The following PELP1 variants were observed in gnomAD, a reference collection of about 807,000 sequenced individuals.
The protein encoded by PELP1 is proline-, glutamic acid- and leucine-rich protein 1.
A neutral mutation model predicts 95.5 loss-of-function variants in PELP1; 32 were observed. The observed-to-expected ratio is 0.34, with a 90% confidence interval of 0.25 to 0.45. The LOEUF (loss-of-function observed/expected upper bound fraction) is 0.45. PELP1 is among the 20% of genes least tolerant of loss of function. PELP1 has a pLI of 1.00. For missense variants in PELP1, 1,358 were observed against 1,444.8 expected (o/e 0.94, Z 0.97); for synonymous variants, 668 against 600.1 (o/e 1.11, Z -1.65).
intron 1 of PELP1, 135 bp downstream of exon 1, chr17:4,703,728 A>G (rs982626781): frequency 1.4e-6 from 1 of 719,576 alleles, no homozygotes; most frequent in Non-Finnish European, 2.3e-6. Flanking sequence ...CCGGACTGAT[A>G]CCTGGATCCC....
chr17:4,692,839 G>A (rs376950007), intron 1 of PELP1, among the ~76,000 whole-genome samples: 2 of 152,016 alleles, frequency 1.3e-5, no homozygotes, highest in African/African-American at 2.4e-5. Context: ...GTGAAACCCC[G>A]TCTCTACTAA....
At chr17:4,676,333 C>T (rs1567661958) in intron 7 of PELP1, 24 bp downstream of exon 7, 1 of 1,609,724 alleles carries the variant, frequency 6.2e-7, no homozygotes, top group Admixed American at 1.7e-5. Flanking sequence ...TATTGTTCCA[C>T]TAACTAGCAG....
At chr17:4,679,044 T>C (rs1453932762) in intron 5 of PELP1, among the ~76,000 whole-genome samples, 1 of 151,820 alleles carries the variant, frequency 6.6e-6, no homozygotes, top group Non-Finnish European at 1.5e-5. Flanking sequence ...TTTTTTTTTT[T>C]GAGACAGGGT....
rs1442593731 is a variant in PELP1, at chr17:4,671,673, C to G, written c.3300+18G>C. The G allele has an allele frequency of 6.3e-7, 1 of 1,587,062 alleles. No individual in the cohort carries two copies. Among genetic ancestry groups the G allele is most frequent in the African/African-American group, 1.4e-5 (1 of 73,046 alleles). On this transcript the variant is annotated intron_variant, in intron 16 of 16. Transcript: ENST00000572293. ...CCCACCTTCTCGCCCAAGGAACCTTCCCTGCCTGGCCTCTCACCTTTTCCT... is the reference window on the plus strand; with the variant it reads ...CCCACCTTCTCGCCCAAGGAACCTTGCCTGCCTGGCCTCTCACCTTTTCCT...
chr17:4,674,753 C>T, intron 12 of PELP1, 56 bp downstream of exon 12: 1 of 1,586,388 alleles, frequency 6.3e-7, no homozygotes, highest in African/African-American at 1.4e-5. Flanking sequence ...CCTGAGCAGG[C>T]ACACTTGGTC....
rs774898065 is a variant in PELP1, at chr17:4,672,059, G to T, written c.2932C>A (p.Pro978Thr). The T allele has an allele frequency of 4.5e-6, 7 of 1,563,170 alleles. No individual in the cohort carries two copies. In the African/African-American group the frequency reaches 5.4e-5, roughly 12 times the overall value. ...AGGEVEEGAP[P>T]PPTLPPALPP... ...AGAGCTGGAGGCAGGGTTGGGGGTGGAGGTGCACCTTCTTCTACCTCCCCT... is the reference window on the plus strand; with the variant it reads ...AGAGCTGGAGGCAGGGTTGGGGGTGTAGGTGCACCTTCTTCTACCTCCCCT... The change falls in exon 16 of 17, where the codon CCA (proline) becomes ACA (threonine). Residue 978 changes from proline to threonine, a missense_variant. Pro to Thr is a conservative substitution (Grantham distance 38). Around this residue, in one of 7 missense-constraint regions of PELP1, gnomAD observed 283 missense variants for 284.1 expected, o/e 1.00. Transcript: ENST00000572293.
In PELP1 at chr17:4,690,234, A is replaced by G. The variant is rs544298938; in HGVS notation, c.420+654T>C. Among the ~76,000 whole-genome samples the G allele has an allele frequency of 4.6e-5, 7 of 152,240 alleles. No homozygotes were observed. The South Asian group carries it at 1.5e-3, about 32-fold the overall frequency. On this transcript the variant is annotated intron_variant, in intron 3 of 16. Coordinates refer to ENST00000572293, the MANE Select transcript of PELP1 (RefSeq NM_014389.3). ...CTGGGAGTTAAGCTATGAGGACGCA[A>G]AGGCATAAAAATGATATAATGAACT...
chr17:4,690,910 C>G lies in PELP1; in HGVS notation c.398G>C (p.Arg133Pro). ...LFQQHCVSWL[R>P]SIQQVLQTQD... ...CACCTGTAACACCTGCTGAATGCTC[C>G]GAAGCCAAGACACACAGTGCTGCTG... The change falls in exon 3 of 17, where the codon CGG becomes CCG. Residue 133 changes from arginine (R) to proline (P), a missense_variant. Arg to Pro is a moderately radical substitution (Grantham distance 103). Transcript: ENST00000572293. 6.2e-7 allele frequency: 1 copy of G among 1,613,438 alleles called. No individual in the cohort carries two copies. The highest frequency in any genetic ancestry group is 8.5e-7 in the Non-Finnish European group (1 of 1,179,458).
At chr17:4,687,498 C>CAA (rs61629319) in intron 3 of PELP1, among the ~76,000 whole-genome samples, 3 of 107,340 alleles carry the variant, frequency 2.8e-5, no homozygotes, top group African/African-American at 1.0e-4. Context: ...GACTCCATCT[C>CAA]AAAAAAAAAA....
At chr17:4,681,658 G>T (rs1299686983) in intron 5 of PELP1, among the ~76,000 whole-genome samples, 1 of 151,822 alleles carries the variant, frequency 6.6e-6, no homozygotes, top group African/African-American at 2.4e-5. Context: ...AAATTAGCTG[G>T]GCGTAGTGGT....
chr17:4,702,826 G>C (rs1913596631), intron 1 of PELP1, among the ~76,000 whole-genome samples: 1 of 152,162 alleles, frequency 6.6e-6, no homozygotes, highest in Non-Finnish European at 1.5e-5. Context: ...GAGAAGGGAA[G>C]ATAGGAGATT....
chr17:4,676,670 G>A, intron 6 of PELP1, 83 bp downstream of exon 6: 1 of 1,402,200 alleles, frequency 7.1e-7, no homozygotes, highest in African/African-American at 1.4e-5. Flanking sequence ...TATGAAGGCA[G>A]GACAGAAAAG....
intron 5 of PELP1, 94 bp downstream of exon 5, chr17:4,682,408 C>T: frequency 1.2e-6 from 1 of 825,666 alleles, no homozygotes; most frequent in East Asian, 2.4e-5. Flanking sequence ...AAAGGATAAT[C>T]AGAAGATAGG....
intron 3 of PELP1, among the ~76,000 whole-genome samples, chr17:4,683,856 T>TTTTA (rs1912809740): frequency 7.6e-6 from 1 of 132,226 alleles, no homozygotes; most frequent in African/African-American, 3.2e-5. Context: ...TTTTTTTTTT[T>TTTTA]GAGACAGGGT....
intron 3 of PELP1, among the ~76,000 whole-genome samples, chr17:4,688,935 T>C (rs1035789597): frequency 6.6e-6 from 1 of 152,214 alleles, no homozygotes; most frequent in Non-Finnish European, 1.5e-5. Flanking sequence ...TCACATTACC[T>C]GACTTCAAAA....
At chr17:4,690,796 C>T in intron 3 of PELP1, 92 bp downstream of exon 3, 1 of 799,514 alleles carries the variant, frequency 1.3e-6, no homozygotes, top group Non-Finnish European at 2.2e-6. Flanking sequence ...GTCCCCAGAA[C>T]TACATGTCCA....
chr17:4,690,836 G>A, intron 3 of PELP1, 52 bp downstream of exon 3: 1 of 1,130,824 alleles, frequency 8.8e-7, no homozygotes. Context: ...CATCCAAGAT[G>A]GGGAATAAGA....
rs139647494 is a variant in PELP1, at chr17:4,702,230, G to A, written c.249+1633C>T. On this transcript the variant is annotated intron_variant, in intron 1 of 16. Coordinates refer to ENST00000572293, the MANE Select transcript of PELP1 (RefSeq NM_014389.3). The stretch of plus-strand genomic sequence containing the variant: ...ACTCGGGACTTTGAGACCAGCCTGG[G>A]CAACATGGCAAAACCCCGTCTCTAC... 6.4e-3 allele frequency among the ~76,000 whole-genome samples: 967 copies of A among 152,186 alleles called. 24 individuals carry two copies. Among genetic ancestry groups the A allele is most frequent in the East Asian group, 0.047 (242 of 5,176 alleles).
At chr17:4,691,159 G>A in intron 2 of PELP1, 166 bp from the exon 3 acceptor site, 1 of 649,046 alleles carries the variant, frequency 1.5e-6, no homozygotes, top group Non-Finnish European at 2.7e-6. Flanking sequence ...AAAGAAAGAA[G>A]GGAGCAGAGG....
Sources: gnomAD v4.1 joint callset for allele counts (sites outside exome capture counted in the v4.1 genomes callset) on GRCh38, gnomAD v4.1.1 for gene constraint, gnomAD v4.1.1 regional missense constraint, MANE v1.5 for transcripts, NCBI Gene and HGNC (gene_info 2026-07-23, HGNC 2026-07-21) for gene names.